LRRK2: variants seen among roughly 807,000 people sequenced by gnomAD.
The protein encoded by LRRK2 is leucine rich repeat kinase 2.
In LRRK2, 203 loss-of-function variants were observed where a neutral mutation model predicts 302.6. That is an observed-to-expected ratio of 0.67 (90% CI 0.60 to 0.75). LRRK2 has a LOEUF of 0.75. Ranked by LOEUF, LRRK2 falls within the 30% of genes least tolerant of loss-of-function variation. The pLI is 0.00. For synonymous variants in LRRK2, 1,066 were observed against 1,031.9 expected, an observed-to-expected ratio of 1.03 and a Z score of -0.63; for missense variants, 2,830 against 2,951.0, an observed-to-expected ratio of 0.96 and a Z score of 0.95.
At chr12:40,362,144 A>G (rs145755869) in intron 47 of LRRK2, among the ~76,000 whole-genome samples, 15 of 152,166 alleles carry the variant, frequency 9.9e-5, no homozygotes, top group African/African-American at 3.4e-4. Context: ...ATTCCATGCA[A>G]AACTTTGTCC....
intron 39 of LRRK2, among the ~76,000 whole-genome samples, chr12:40,333,313 C>G (rs1413000262): frequency 6.6e-6 from 1 of 152,118 alleles, no homozygotes; most frequent in Admixed American, 6.6e-5. Flanking sequence ...CAGAATTCTC[C>G]ATGTTTCAGT....
At position 40,238,062 on chromosome 12, in the gene LRRK2, A is replaced by G; in HGVS notation, c.530A>G (p.Gln177Arg). 1 of 1,613,778 alleles carries G rather than the reference A, an allele frequency of 6.2e-7. No homozygotes were observed. Among genetic ancestry groups the G allele is most frequent in the African/African-American group, 1.3e-5 (1 of 75,036 alleles). ...MHSFPANDEVQKLGCKALHVL... is the reference protein window; with the variant it reads ...MHSFPANDEVRKLGCKALHVL... ...TCATTTCCAGCCAATGATGAAGTCC[A>G]GAAACTTGGATGCAAAGCTTTACAT... Residue 177 changes from glutamine to arginine, a missense_variant, in exon 5 of 51, where the codon CAG (glutamine) becomes CGG (arginine). By Grantham distance (43) the Gln-to-Arg change is conservative. This residue lies in a region of LRRK2 where 2,121 missense variants were observed against 2,148.0 expected (regional missense o/e 0.99). Coordinates refer to ENST00000298910, the MANE Select transcript of LRRK2 (RefSeq NM_198578.4).
In LRRK2 at chr12:40,225,236, G is replaced by A; in HGVS notation, c.105G>A (p.Leu35=). The A allele has an allele frequency of 6.2e-7, 1 of 1,614,144 alleles. No individual in the cohort carries two copies. Among genetic ancestry groups the A allele is most frequent in the Non-Finnish European group, 8.5e-7 (1 of 1,180,008 alleles). Residue 35 remains leucine (L), a synonymous_variant, in exon 1 of 51, where the codon CTG becomes CTA. Transcript: ENST00000298910. ...AGGAAGGAAAACAGATAGAAACGCT[G>A]GTCCAAATCCTGGAGGATCTGCTGG... ...NVQEGKQIET[L]VQILEDLLVF...
At position 40,235,621 on chromosome 12, in the gene LRRK2, T is replaced by C. The variant is rs375328021; in HGVS notation, c.348-5T>C. On this transcript the variant is annotated splice_polypyrimidine_tract_variant and splice_region_variant and intron_variant, in intron 3 of 50. Coordinates refer to ENST00000298910, the MANE Select transcript of LRRK2 (RefSeq NM_198578.4). ...TCTTATCTTGATTTCTGTTTTTAAC[T>C]CCAGATTGATTCTTAAAATGCTAAC... 1.1e-5 allele frequency: 17 copies of C among 1,583,424 alleles called. No individual in the cohort carries two copies. The African/African-American group carries it at 2.2e-4, about 20-fold the overall frequency.
At chr12:40,264,161 T>C (rs989204368) in intron 14 of LRRK2, among the ~76,000 whole-genome samples, 2 of 152,152 alleles carry the variant, frequency 1.3e-5, no homozygotes, top group African/African-American at 2.4e-5. Context: ...TCCACTCTAG[T>C]TTGCTCAACC....
At chr12:40,327,588 A>G (rs571116472) in intron 38 of LRRK2, among the ~76,000 whole-genome samples, 2 of 152,290 alleles carry the variant, frequency 1.3e-5, no homozygotes, top group African/African-American at 4.8e-5. Flanking sequence ...CTGAATTTAG[A>G]TTTGATTTAG....
intron 20 of LRRK2, 141 bp from the exon 21 acceptor site, chr12:40,293,404 T>C: frequency 1.7e-6 from 1 of 585,182 alleles, no homozygotes; most frequent in Non-Finnish European, 3.0e-6. Context: ...ATTTTAAAGA[T>C]TTTACAAAGG....
chr12:40,237,509 G>A (rs1340171991), intron 4 of LRRK2, among the ~76,000 whole-genome samples: 1 of 152,116 alleles, frequency 6.6e-6, no homozygotes, highest in African/African-American at 2.4e-5. Flanking sequence ...TTTGTTGCTT[G>A]GATAGAGAAT....
At chr12:40,274,560 A>G (rs1943368961) in intron 14 of LRRK2, 23 bp from the exon 15 acceptor site, 2 of 1,612,500 alleles carry the variant, frequency 1.2e-6, no homozygotes, top group East Asian at 4.5e-5. Context: ...CATTTTTAAC[A>G]GCGAGTATTC....
chr12:40,344,851 TA>T (rs1946147037), intron 41 of LRRK2, among the ~76,000 whole-genome samples: 1 of 152,064 alleles, frequency 6.6e-6, no homozygotes, highest in Non-Finnish European at 1.5e-5. Context: ...TAAATTATGC[TA>T]ATTCACATGA....
intron 31 of LRRK2, 46 bp from the exon 32 acceptor site, chr12:40,313,926 C>G: frequency 6.4e-7 from 1 of 1,554,120 alleles, no homozygotes; most frequent in Non-Finnish European, 8.8e-7. Flanking sequence ...TTGACAAATA[C>G]ACAAATAAAA....
chr12:40,277,640 T>C (rs1943515873), intron 16 of LRRK2, among the ~76,000 whole-genome samples: 1 of 152,198 alleles, frequency 6.6e-6, no homozygotes, highest in African/African-American at 2.4e-5. Context: ...TTAGTTCTTT[T>C]TCCTGCTTTG....
intron 16 of LRRK2, among the ~76,000 whole-genome samples, chr12:40,277,028 A>T (rs1452123266): frequency 6.6e-6 from 1 of 152,048 alleles, no homozygotes; most frequent in Admixed American, 6.6e-5. Flanking sequence ...TTTTATAGGC[A>T]CAAGATTTTG....
At chr12:40,357,529 G>T (rs952838318) in intron 46 of LRRK2, among the ~76,000 whole-genome samples, 3 of 151,966 alleles carry the variant, frequency 2.0e-5, no homozygotes, top group Non-Finnish European at 4.4e-5. Flanking sequence ...TTTGTTTTCC[G>T]TAGTGGCTAT....
intron 40 of LRRK2, among the ~76,000 whole-genome samples, chr12:40,335,594 T>C (rs535651541): frequency 1.3e-5 from 2 of 152,258 alleles, no homozygotes; most frequent in Middle Eastern, 3.4e-3. Context: ...TAACCCTGCA[T>C]CCAGAGCAAG....
Position 40,263,899 on chromosome 12 carries a change from A to G in LRRK2, c.1654A>G (p.Arg552Gly). ...IHKLVLAALN[R>G]FIGNPGIQKC... ...CAAACTGGTCCTAGCAGCTTTGAAC[A>G]GGGTATGTTGAATATAAGTTTTCTG... Residue 552 changes from arginine (R) to glycine (G), a missense_variant and splice_region_variant, in exon 14 of 51, where the codon AGG (arginine) becomes GGG (glycine). Arg to Gly is a moderately radical substitution (Grantham distance 125). This residue lies in a region of LRRK2 where 2,121 missense variants were observed against 2,148.0 expected (regional missense o/e 0.99). Transcript: ENST00000298910. 1 of 1,595,788 alleles carries G rather than the reference A, an allele frequency of 6.3e-7. No homozygotes were observed. The highest frequency in any genetic ancestry group is 8.6e-7 in the Non-Finnish European group (1 of 1,163,842).
Position 40,310,621 on chromosome 12 carries a change from C to T in LRRK2, c.4508C>T (p.Thr1503Ile). Residue 1503 changes from threonine (T) to isoleucine (I), a missense_variant, in exon 31 of 51, where the codon ACC becomes ATC. Physicochemically the swap from Thr to Ile is moderately conservative, Grantham distance 89. This residue lies in a region of LRRK2 where 2,121 missense variants were observed against 2,148.0 expected (regional missense o/e 0.99). Coordinates refer to ENST00000298910, the MANE Select transcript of LRRK2 (RefSeq NM_198578.4). ...ESDALAKLRK[T>I]IINESLNFKI... The stretch of plus-strand genomic sequence containing the variant: ...GATGCTTTGGCAAAACTTCGGAAAA[C>T]CATCATAAACGAGAGCCTTAATTTC... The T allele has an allele frequency of 6.2e-7, 1 of 1,612,278 alleles. No homozygotes were observed. Among genetic ancestry groups the T allele is most frequent in the East Asian group, 2.2e-5 (1 of 44,844 alleles).
At position 40,287,339 on chromosome 12, in the gene LRRK2, T is replaced by TG; in HGVS notation, c.2501-12_2501-11insG. 6.3e-7 allele frequency: 1 copy of TG among 1,579,560 alleles called. No individual in the cohort carries two copies. The highest frequency in any genetic ancestry group is 8.6e-7 in the Non-Finnish European group (1 of 1,159,690). ...TTGATTTCTAAGTTGCTGGTGTATC[T>TG]CTTATTTTCAGATATAGCATCTACA... On this transcript the variant is annotated splice_polypyrimidine_tract_variant and intron_variant, in intron 19 of 50. Transcript: ENST00000298910.
chr12:40,287,386 T>C lies in LRRK2; in HGVS notation c.2536T>C (p.Tyr846His). ...TACACTAGCAAGAATGGTGATCAGA[T>C]ATCAGATGAAAAGTGCTGTGGAAGA... ...ASTLARMVIR[Y>H]QMKSAVEEGT... The change falls in exon 20 of 51, where the codon TAT becomes CAT. Residue 846 changes from tyrosine (Y) to histidine (H), a missense_variant. By Grantham distance (83) the Tyr-to-His change is moderately conservative. This residue lies in a region of LRRK2 where 2,121 missense variants were observed against 2,148.0 expected (regional missense o/e 0.99). Transcript: ENST00000298910. 6.2e-7 allele frequency: 1 copy of C among 1,612,674 alleles called. No homozygotes were observed. The highest frequency in any genetic ancestry group is 8.5e-7 in the Non-Finnish European group (1 of 1,179,050).
Sources: gnomAD v4.1 joint callset for allele counts (sites outside exome capture counted in the v4.1 genomes callset) on GRCh38, gnomAD v4.1.1 for gene constraint, gnomAD v4.1.1 regional missense constraint, MANE v1.5 for transcripts, NCBI Gene and HGNC (gene_info 2026-07-23, HGNC 2026-07-21) for gene names.